The following GPC5 variants were observed in gnomAD, a reference collection of about 807,000 sequenced individuals.
The protein encoded by GPC5 is glypican-5.
GPC5 carries 47 observed loss-of-function variants against 53.9 expected under a neutral mutation model. That is an observed-to-expected ratio of 0.87 (90% CI 0.69 to 1.11). GPC5 has a LOEUF of 1.11. Among genes scored for constraint, GPC5 ranks in the 50% most tolerant of loss-of-function variants. The probability of loss-of-function intolerance (pLI) is 0.00; values close to 1 mark genes in which losing one functional copy is unlikely to be tolerated. For missense variants in GPC5, 748 were observed against 713.1 expected, an observed-to-expected ratio of 1.05 and a Z score of -0.56; for synonymous variants, 286 against 263.3, an observed-to-expected ratio of 1.09 and a Z score of -0.84.
chr13:91,521,780 C>A (rs761229545), intron 2 of GPC5, among the ~76,000 whole-genome samples: 3 of 152,140 alleles, frequency 2.0e-5, no homozygotes, highest in Non-Finnish European at 2.9e-5. Flanking sequence ...GTGTCAGATT[C>A]CAAAAGGTGA....
chr13:91,713,106 G>A (rs575775604), intron 3 of GPC5, among the ~76,000 whole-genome samples: 311 of 152,250 alleles, frequency 2.0e-3, no homozygotes, highest in African/African-American at 6.8e-3. Flanking sequence ...CACGAGGATT[G>A]CTTGAACCCG....
At chr13:91,905,452 A>G (rs1346202874) in intron 5 of GPC5, among the ~76,000 whole-genome samples, 1 of 152,104 alleles carries the variant, frequency 6.6e-6, no homozygotes, top group Non-Finnish European at 1.5e-5. Flanking sequence ...CTGCATGCCT[A>G]CAAAAAGAAG....
rs188624971 is a variant in GPC5 at position 92,650,594 on chromosome 13, C to G, written c.1562-215688C>G. On this transcript the variant is annotated intron_variant, in intron 7 of 7. Coordinates refer to ENST00000377067, the MANE Select transcript of GPC5 (RefSeq NM_004466.6). ...CAGGCCAGATATTCTTGAAAAACCA[C>G]ATAATAGTAGAGCTCATGCTTGAAT... is the stretch of plus-strand genomic sequence containing the variant. Among the ~76,000 whole-genome samples, 30 of 152,146 alleles carry G rather than the reference C, an allele frequency of 2.0e-4. 1 individual carries two copies. Among genetic ancestry groups the G allele is most frequent in the Non-Finnish European group, 1.8e-4 (12 of 67,998 alleles).
chr13:92,494,698 G>C (rs1374896029), intron 7 of GPC5, among the ~76,000 whole-genome samples: 1 of 151,980 alleles, frequency 6.6e-6, no homozygotes, highest in African/African-American at 2.4e-5. Flanking sequence ...TGACTTTATA[G>C]GGAATGCCTG....
At chr13:91,709,200 G>A (rs2036174489) in intron 3 of GPC5, among the ~76,000 whole-genome samples, 1 of 152,064 alleles carries the variant, frequency 6.6e-6, no homozygotes, top group African/African-American at 2.4e-5. Context: ...ACTTTTTCAT[G>A]GCCACTTTAA....
intron 1 of GPC5, among the ~76,000 whole-genome samples, chr13:91,408,723 G>T (rs1191497734): frequency 6.6e-6 from 1 of 152,066 alleles, no homozygotes. Context: ...AACTTAAATT[G>T]TTTATTACTC....
At chr13:92,022,010 A>AT (rs1218738138) in intron 6 of GPC5, among the ~76,000 whole-genome samples, 7 of 151,578 alleles carry the variant, frequency 4.6e-5, no homozygotes, top group African/African-American at 1.7e-4. Context: ...GTATTTATTT[A>AT]TTTTTTTCAG....
At chr13:92,469,881 A>G (rs9301813) in intron 7 of GPC5, among the ~76,000 whole-genome samples, 44,991 of 151,930 alleles carry the variant, frequency 0.3, 7,223 homozygotes, top group East Asian at 0.42. Context: ...GTACATGTGT[A>G]AACTCACAAC....
chr13:91,417,298 CA>C (rs1479611402), intron 1 of GPC5, among the ~76,000 whole-genome samples: 1 of 152,016 alleles, frequency 6.6e-6, no homozygotes, highest in East Asian at 1.9e-4. Flanking sequence ...AGAGTGGCAG[CA>C]GAAAAAGATT....
chr13:92,764,941 G>A (rs768504853), intron 7 of GPC5, among the ~76,000 whole-genome samples: 2 of 152,056 alleles, frequency 1.3e-5, no homozygotes, highest in East Asian at 3.9e-4. Context: ...AGGGAAATTT[G>A]AATTTAATAT....
At chr13:91,461,973 T>C (rs1881957127) in intron 2 of GPC5, among the ~76,000 whole-genome samples, 1 of 152,128 alleles carries the variant, frequency 6.6e-6, no homozygotes, top group South Asian at 2.1e-4. Flanking sequence ...ACAATAATAA[T>C]TGGTGCATTT....
chr13:91,494,545 C>T (rs1341398667), intron 2 of GPC5, among the ~76,000 whole-genome samples: 1 of 152,110 alleles, frequency 6.6e-6, no homozygotes, highest in Non-Finnish European at 1.5e-5. Context: ...TGCAATTTCT[C>T]TCACCCTACT....
Position 91,430,228 on chromosome 13 carries a change from T to C in GPC5, c.164-18533T>C, listed in dbSNP as rs7333478. On this transcript the variant is annotated intron_variant, in intron 1 of 7. Coordinates refer to ENST00000377067, the MANE Select transcript of GPC5 (RefSeq NM_004466.6). ...GGAACAGGAGAAATTTTAGCACAAA[T>C]ATTTTTAAGGAGATGCCATGAGATT... Among the ~76,000 whole-genome samples, 297 of 152,204 alleles carry C rather than the reference T, an allele frequency of 2.0e-3. 3 individuals are homozygous for C. The highest frequency in any genetic ancestry group is 6.9e-3 in the African/African-American group (288 of 41,522).
chr13:92,788,503 A>AAGAC (rs1193024913), intron 7 of GPC5, among the ~76,000 whole-genome samples: 2 of 152,216 alleles, frequency 1.3e-5, no homozygotes, highest in Non-Finnish European at 2.9e-5. Flanking sequence ...GAAAATGAAA[A>AAGAC]AGACATTATT....
chr13:92,107,952 G>C (rs2041523022), intron 6 of GPC5, among the ~76,000 whole-genome samples: 1 of 152,240 alleles, frequency 6.6e-6, no homozygotes, highest in South Asian at 2.1e-4. Context: ...TGTCCAAATT[G>C]CTCTTTTTCT....
chr13:91,775,530 CT>C (rs973178751), intron 5 of GPC5, among the ~76,000 whole-genome samples: 1 of 152,148 alleles, frequency 6.6e-6, no homozygotes, highest in African/African-American at 2.4e-5. Context: ...CTATATTTCT[CT>C]TTTTTCCACT....
intron 2 of GPC5, among the ~76,000 whole-genome samples, chr13:91,661,266 G>A (rs1470539505): frequency 6.6e-6 from 1 of 152,152 alleles, no homozygotes; most frequent in Non-Finnish European, 1.5e-5. Flanking sequence ...GCTGGCTGTT[G>A]GAATGACTAT....
chr13:91,776,145 C>T (rs1319943794), intron 5 of GPC5, among the ~76,000 whole-genome samples: 3 of 152,048 alleles, frequency 2.0e-5, no homozygotes, highest in Non-Finnish European at 2.9e-5. Flanking sequence ...ATGTTGGACC[C>T]GAGACAGCTG....
intron 2 of GPC5, among the ~76,000 whole-genome samples, chr13:91,505,292 C>G (rs1441768898): frequency 6.6e-6 from 1 of 151,816 alleles, no homozygotes; most frequent in Non-Finnish European, 1.5e-5. Context: ...CGAGATATAT[C>G]AAGAGAGAAA....
Sources: allele counts gnomAD v4.1 joint callset (sites outside exome capture counted in the v4.1 genomes callset), GRCh38; gene constraint gnomAD v4.1.1; transcripts MANE v1.5; gene names NCBI Gene and HGNC (gene_info 2026-07-23, HGNC 2026-07-21).